Variants in EXOC2 observed in about 807,000 individuals in gnomAD.
The protein encoded by EXOC2 is SEC5-like 1.
Under a neutral mutation model 131.8 loss-of-function variants are expected in EXOC2, and 70 were observed. The observed-to-expected ratio is 0.53, with a 90% CI of 0.44 to 0.65. The LOEUF is 0.65. Among genes scored for constraint, EXOC2 ranks in the 30% least tolerant of loss-of-function variants. The pLI, the probability that EXOC2 is intolerant of heterozygous loss-of-function variation, is 0.00. For missense variants in EXOC2, 923 were observed against 1,108.6 expected, an observed-to-expected ratio of 0.83 and a Z score of 2.38; for synonymous variants, 411 against 398.4, an observed-to-expected ratio of 1.03 and a Z score of -0.38.
Position 599,681 on chromosome 6 carries a change from T to C in EXOC2, c.743-456A>G, listed in dbSNP as rs191240036. ...ACAAGGAAATCATTTTCAGGAAAGT[T>C]GCTCAATAGAAATATTTAAAACAAA... On this transcript the variant is annotated intron_variant, in intron 7 of 27. Coordinates refer to ENST00000230449, the MANE Select transcript of EXOC2 (RefSeq NM_018303.6). Among the ~76,000 whole-genome samples the C allele has an allele frequency of 1.4e-3, 213 of 152,320 alleles. 1 individual carries two copies. The highest frequency in any genetic ancestry group is 0.011 in the South Asian group (52 of 4,826).
intron 2 of EXOC2, among the ~76,000 whole-genome samples, chr6:637,083 T>A (rs1762136364): frequency 6.6e-6 from 1 of 152,188 alleles, no homozygotes. Context: ...CAGAAATATT[T>A]ATACCACACC....
At chr6:590,622 G>C (rs116411373) in intron 11 of EXOC2, among the ~76,000 whole-genome samples, 4 of 152,116 alleles carry the variant, frequency 2.6e-5, no homozygotes, top group African/African-American at 9.7e-5. Context: ...CACCAACAGC[G>C]TAAGAGCAAT....
At position 564,567 on chromosome 6, in the gene EXOC2, C is replaced by T. The variant is rs775530454; in HGVS notation, c.1645G>A (p.Ala549Thr). 59 of 1,610,456 alleles carry T rather than the reference C, an allele frequency of 3.7e-5. No individual in the cohort carries two copies. The highest frequency in any genetic ancestry group is 4.7e-5 in the Non-Finnish European group (55 of 1,179,214). ...CACCTTACAGTCTGGATGGCGTGAG[C>T]GAGCCACTGTCCGGAGAGCTCGCAC... ...VKCELSGQWLAHAIQTVRLTH... is the reference protein window; with the variant it reads ...VKCELSGQWLTHAIQTVRLTH... The change falls in exon 15 of 28, where the codon GCT becomes ACT. Residue 549 changes from alanine to threonine, a missense_variant. Transcript: ENST00000230449.
At chr6:505,644 G>A (rs1764507280) in intron 23 of EXOC2, among the ~76,000 whole-genome samples, 1 of 152,164 alleles carries the variant, frequency 6.6e-6, no homozygotes, top group African/African-American at 2.4e-5. Context: ...TTGTCCTCCT[G>A]GGCACTGTGT....
intron 23 of EXOC2, among the ~76,000 whole-genome samples, chr6:527,609 C>T (rs931759050): frequency 2.0e-5 from 3 of 152,222 alleles, no homozygotes; most frequent in African/African-American, 4.8e-5. Context: ...GGAGGTTACC[C>T]TACTCTAGGT....
chr6:518,106 A>G (rs866701606), intron 23 of EXOC2, among the ~76,000 whole-genome samples: 2 of 152,380 alleles, frequency 1.3e-5, no homozygotes, highest in South Asian at 4.1e-4. Context: ...TAAATAGCTG[A>G]TAAAATTAAG....
intron 7 of EXOC2, among the ~76,000 whole-genome samples, chr6:602,764 AC>A (rs1292588837): frequency 5.9e-5 from 9 of 152,202 alleles, no homozygotes; most frequent in African/African-American, 2.2e-4. Flanking sequence ...GCAAGAACTA[AC>A]AGCAATGATG....
chr6:636,566 T>A (rs886219695), intron 2 of EXOC2, among the ~76,000 whole-genome samples: 2 of 152,240 alleles, frequency 1.3e-5, no homozygotes, highest in Admixed American at 6.5e-5. Context: ...AAGAGTTTTC[T>A]GGATGGCCAA....
chr6:637,787 G>C lies in EXOC2; in HGVS notation c.32C>G (p.Thr11Ser). ...TATCCCTTCATTTGGAGAGATGCCG[G>C]TCACAAGGGGGGGTTGTCGTGATCG... MSRSRQPPLV[T>S]GISPNEGIPW... is the part of the protein sequence containing the mutation. Residue 11 changes from threonine to serine, a missense_variant, in exon 2 of 28, where the codon ACC (threonine) becomes AGC (serine). Transcript: ENST00000230449. 1 of 1,613,772 alleles carries C rather than the reference G, an allele frequency of 6.2e-7. No homozygotes were observed. The highest frequency in any genetic ancestry group is 8.5e-7 in the Non-Finnish European group (1 of 1,179,880).
chr6:565,581 T>C (rs1757927629), intron 13 of EXOC2, among the ~76,000 whole-genome samples: 1 of 152,184 alleles, frequency 6.6e-6, no homozygotes, highest in Non-Finnish European at 1.5e-5. Flanking sequence ...TATTTTTATA[T>C]AAAATAACCT....
In EXOC2 at chr6:514,509, T is replaced by A. The variant is rs147822940; in HGVS notation, c.2381-14809A>T. Among the ~76,000 whole-genome samples, 739 of 152,332 alleles carry A rather than the reference T, an allele frequency of 4.9e-3. 7 individuals are homozygous for A. The Middle Eastern group carries it at 0.061, about 13-fold the overall frequency. ...GGTTTAACTTTCTTAACAAATTCTA[T>A]CAGATGCTCATTTTCTACTAAAATG... On this transcript the variant is annotated intron_variant, in intron 23 of 27. Transcript: ENST00000230449.
At chr6:570,149 T>C (rs1758190145) in intron 13 of EXOC2, among the ~76,000 whole-genome samples, 1 of 151,460 alleles carries the variant, frequency 6.6e-6, no homozygotes. Flanking sequence ...TTTTTTTTTT[T>C]TTGAGACGGA....
chr6:532,275 C>T (rs1298313601), intron 23 of EXOC2, among the ~76,000 whole-genome samples, 194 bp downstream of exon 23: 1 of 152,138 alleles, frequency 6.6e-6, no homozygotes, highest in Non-Finnish European at 1.5e-5. Flanking sequence ...CAGCTTTAAG[C>T]CACTAATAAT....
intron 1 of EXOC2, chr6:669,804 A>G (rs1763781945): frequency 2.0e-5 from 3 of 152,284 alleles, no homozygotes; most frequent in Admixed American, 6.5e-5. Flanking sequence ...GCCCAAGGAC[A>G]GCATTAACTC....
intron 23 of EXOC2, among the ~76,000 whole-genome samples, chr6:502,370 A>G (rs1479861893): frequency 1.3e-5 from 2 of 152,144 alleles, no homozygotes; most frequent in East Asian, 3.8e-4. Flanking sequence ...AAATTCCTCA[A>G]TGTAAAAGAA....
chr6:517,401 C>T (rs992017495), intron 23 of EXOC2, among the ~76,000 whole-genome samples: 2 of 152,106 alleles, frequency 1.3e-5, no homozygotes, highest in African/African-American at 2.4e-5. Flanking sequence ...ATCATGACTT[C>T]ATAAAGGTAA....
In EXOC2 at chr6:486,593, A is replaced by G. The variant is rs1170407111; in HGVS notation, c.*78T>C. 5.4e-6 allele frequency: 7 copies of G among 1,306,374 alleles called. No individual in the cohort carries two copies. In the Admixed American group the frequency reaches 7.4e-5, roughly 14 times the overall value. 80.9% of individuals were successfully genotyped at this position (1,306,374 alleles called of 1,614,324 possible). The stretch of plus-strand genomic sequence containing the variant: ...TGGCAAACCCAATGTTTAATACACC[A>G]AATACCTTTAGGGTACTTAGAGAGT... On this transcript the variant is annotated 3_prime_UTR_variant, in exon 28 of 28. Coordinates refer to ENST00000230449, the MANE Select transcript of EXOC2 (RefSeq NM_018303.6).
At position 544,202 on chromosome 6, in the gene EXOC2, C is replaced by T. The variant is rs1012972698; in HGVS notation, c.2238+4973G>A. Among the ~76,000 whole-genome samples the T allele has an allele frequency of 4.6e-5, 7 of 152,330 alleles. No homozygotes were observed. In the East Asian group the frequency reaches 1.2e-3, roughly 25 times the overall value. ...CCAAAGAGATGTGGTGCCTTTCCTC[C>T]GCTCTCTGAAACAGCATCTGGAATG... On this transcript the variant is annotated intron_variant, in intron 22 of 27. Transcript: ENST00000230449.
intron 1 of EXOC2, among the ~76,000 whole-genome samples, chr6:638,964 A>ACC (rs201481159): frequency 1.4e-5 from 1 of 71,128 alleles, no homozygotes; most frequent in Admixed American, 1.4e-4. Flanking sequence ...TTACTAATAA[A>ACC]CCCGAGAACT....
Sources: allele counts gnomAD v4.1 joint callset (sites outside exome capture counted in the v4.1 genomes callset), GRCh38; gene constraint gnomAD v4.1.1; transcripts MANE v1.5; gene names NCBI Gene and HGNC (gene_info 2026-07-23, HGNC 2026-07-21).